The following CNTNAP2 variants were observed in gnomAD, a reference collection of about 807,000 sequenced individuals.
CNTNAP2 encodes the protein contactin-associated protein-like 2.
In CNTNAP2, 98 loss-of-function variants were observed where a neutral mutation model predicts 155.2. That is an observed-to-expected ratio of 0.63 (90% CI 0.54 to 0.75). The LOEUF (loss-of-function observed/expected upper bound fraction) is 0.75. Among genes scored for constraint, CNTNAP2 ranks in the 30% least tolerant of loss-of-function variants. The pLI is 0.00. For synonymous variants in CNTNAP2, 651 were observed against 631.2 expected (o/e 1.03, Z -0.47); for missense variants, 1,727 against 1,688.1 (o/e 1.02, Z -0.40).
chr7:147,967,791 T>G (rs954945619), intron 14 of CNTNAP2, among the ~76,000 whole-genome samples: 1 of 152,162 alleles, frequency 6.6e-6, no homozygotes, highest in African/African-American at 2.4e-5. Flanking sequence ...AGAGCCAAGG[T>G]AGGGTTTGCC....
intron 21 of CNTNAP2, among the ~76,000 whole-genome samples, chr7:148,324,649 T>A (rs1379933695): frequency 6.6e-6 from 1 of 151,854 alleles, no homozygotes; most frequent in African/African-American, 2.4e-5. Flanking sequence ...AATACAAAAA[T>A]TAGCTGGGCA....
At chr7:146,500,093 T>G (rs1797278804) in intron 1 of CNTNAP2, among the ~76,000 whole-genome samples, 1 of 151,328 alleles carries the variant, frequency 6.6e-6, no homozygotes, top group Non-Finnish European at 1.5e-5. Flanking sequence ...TAATTTGATC[T>G]TTTTGTGTGA....
intron 18 of CNTNAP2, among the ~76,000 whole-genome samples, chr7:148,204,351 C>G (rs1189983130): frequency 6.6e-6 from 1 of 152,128 alleles, no homozygotes; most frequent in Non-Finnish European, 1.5e-5. Context: ...ACGAGGAAAA[C>G]CAAAGTTATA....
chr7:147,680,643 A>G (rs1038920136), intron 13 of CNTNAP2, among the ~76,000 whole-genome samples: 2 of 151,882 alleles, frequency 1.3e-5, no homozygotes, highest in African/African-American at 4.8e-5. Context: ...CTGTGGCTAT[A>G]CCAGGGCATG....
In CNTNAP2 at chr7:148,383,671, G is replaced by A; in HGVS notation, c.3498G>A (p.Glu1166=). 6.2e-7 allele frequency: 1 copy of A among 1,614,166 alleles called. No individual in the cohort carries two copies. ...KVIETGKIDQ[E]IHKYNTPGFT... is the part of the protein sequence containing the mutation. ...TAGAAACAGGGAAAATTGACCAAGA[G>A]ATTCACAAATACAACACCCCAGGAT... The change falls in exon 22 of 24, where the codon GAG becomes GAA. Residue 1166 remains glutamate (E), a synonymous_variant. Transcript: ENST00000361727.
intron 21 of CNTNAP2, among the ~76,000 whole-genome samples, chr7:148,345,371 T>C (rs1443492568): frequency 6.6e-6 from 1 of 151,726 alleles, no homozygotes; most frequent in African/African-American, 2.4e-5. Flanking sequence ...TGTTTGTTTG[T>C]TTATTTTTTG....
rs529403418 is a variant in CNTNAP2, at chr7:146,218,106, A to C, written c.97+101133A>C. 4.3e-4 allele frequency among the ~76,000 whole-genome samples: 65 copies of C among 152,284 alleles called. 2 individuals carry two copies. The highest frequency in any genetic ancestry group is 1.0e-3 in the Admixed American group (16 of 15,292). ...CTCTGTTTTTAGTCATAGAATCTGA[A>C]TGGAAGCAGCCACTGCCCTCATCCT... is the stretch of plus-strand genomic sequence containing the variant. On this transcript the variant is annotated intron_variant, in intron 1 of 23. Coordinates refer to ENST00000361727, the MANE Select transcript of CNTNAP2 (RefSeq NM_014141.6).
intron 8 of CNTNAP2, among the ~76,000 whole-genome samples, chr7:147,244,920 A>C (rs1804022348): frequency 6.6e-6 from 1 of 152,194 alleles, no homozygotes; most frequent in Non-Finnish European, 1.5e-5. Flanking sequence ...AGTCCACAAC[A>C]TTAAAAAATT....
chr7:146,241,689 A>C (rs1178821320), intron 1 of CNTNAP2, among the ~76,000 whole-genome samples: 1 of 152,198 alleles, frequency 6.6e-6, no homozygotes, highest in African/African-American at 2.4e-5. Context: ...GATATGATAG[A>C]GAATCATAGC....
In CNTNAP2 at chr7:147,903,720, T is replaced by C. The variant is rs757148767; in HGVS notation, c.2254T>C (p.Trp752Arg). 1.9e-6 allele frequency: 3 copies of C among 1,613,524 alleles called. No homozygotes were observed. The highest frequency in any genetic ancestry group is 1.7e-5 in the Admixed American group (1 of 59,966). Reference protein sequence around the residue: ...YCNCDADYKQWRKDAGFLSYK... With the variant: ...YCNCDADYKQRRKDAGFLSYK... Reference sequence around the variant, plus strand: ...TAACTGCGACGCGGACTACAAGCAATGGTGAGTGCCTGCGGGCAGCACAGC... The same window carrying C: ...TAACTGCGACGCGGACTACAAGCAACGGTGAGTGCCTGCGGGCAGCACAGC... Residue 752 changes from tryptophan to arginine, a missense_variant and splice_region_variant, in exon 14 of 24, where the codon TGG becomes CGG. Coordinates refer to ENST00000361727, the MANE Select transcript of CNTNAP2 (RefSeq NM_014141.6).
intron 1 of CNTNAP2, among the ~76,000 whole-genome samples, chr7:146,195,453 ACTTTTCACTCAGTG>A (rs1798761942): frequency 6.6e-6 from 1 of 152,160 alleles, no homozygotes; most frequent in African/African-American, 2.4e-5. Flanking sequence ...CTTTCTCAAC[ACTTTTCACTCAGTG>A]GCTTCTTTAC....
intron 9 of CNTNAP2, among the ~76,000 whole-genome samples, chr7:147,324,778 G>A (rs1378582360): frequency 6.7e-6 from 1 of 149,428 alleles, no homozygotes; most frequent in Non-Finnish European, 1.5e-5. Flanking sequence ...AGCTGGGGGG[G>A]CATTTTGTTT....
intron 12 of CNTNAP2, among the ~76,000 whole-genome samples, chr7:147,620,007 G>A (rs191368750): frequency 6.6e-6 from 1 of 152,326 alleles, no homozygotes; most frequent in Admixed American, 6.5e-5. Flanking sequence ...TTGTGTGGGA[G>A]GAAGAAGAAA....
intron 1 of CNTNAP2, among the ~76,000 whole-genome samples, chr7:146,712,740 AC>A (rs1187719314): frequency 2.6e-5 from 4 of 151,928 alleles, no homozygotes; most frequent in Non-Finnish European, 4.4e-5. Context: ...GTTATACACA[AC>A]ATGCTTCATT....
chr7:148,004,247 A>C (rs1208707383), intron 15 of CNTNAP2, among the ~76,000 whole-genome samples: 1 of 152,212 alleles, frequency 6.6e-6, no homozygotes, highest in Non-Finnish European at 1.5e-5. Flanking sequence ...GAATTATGCC[A>C]ACCCTAGAAC....
intron 1 of CNTNAP2, among the ~76,000 whole-genome samples, chr7:146,350,171 T>C (rs1335876167): frequency 2.0e-5 from 3 of 152,180 alleles, no homozygotes; most frequent in African/African-American, 7.2e-5. Context: ...TTCATTTCTT[T>C]TTATTCTTTT....
At chr7:147,184,276 T>C (rs985482822) in intron 8 of CNTNAP2, among the ~76,000 whole-genome samples, 6 of 152,182 alleles carry the variant, frequency 3.9e-5, no homozygotes, top group Non-Finnish European at 8.8e-5. Flanking sequence ...GGATCGCTCC[T>C]AAGGCTGCCC....
At chr7:148,057,007 C>T (rs1342960866) in intron 15 of CNTNAP2, among the ~76,000 whole-genome samples, 1 of 152,142 alleles carries the variant, frequency 6.6e-6, no homozygotes, top group Admixed American at 6.5e-5. Context: ...CTATTTCCAT[C>T]ACTTGCCTTT....
intron 13 of CNTNAP2, among the ~76,000 whole-genome samples, chr7:147,851,549 T>C (rs1435729795): frequency 6.6e-5 from 10 of 152,148 alleles, no homozygotes; most frequent in Non-Finnish European, 1.5e-4. Context: ...TAGACTGGAT[T>C]AAGAAAATGT....
Sources: allele counts gnomAD v4.1 joint callset (sites outside exome capture counted in the v4.1 genomes callset), GRCh38; gene constraint gnomAD v4.1.1; transcripts MANE v1.5; gene names NCBI Gene and HGNC (gene_info 2026-07-23, HGNC 2026-07-21).